Variants in DMXL1 observed in about 807,000 individuals in gnomAD.
The protein encoded by DMXL1 is dmX-like protein 1.
DMXL1 carries 99 observed loss-of-function variants against 319.2 expected under a neutral mutation model. The ratio of observed to expected loss-of-function variants is 0.31; its 90% CI spans 0.26 to 0.37. The LOEUF (loss-of-function observed/expected upper bound fraction) is 0.37, where lower values mean the gene tolerates loss of function less well. Among genes scored for constraint, DMXL1 ranks in the 10% least tolerant of loss-of-function variants. The pLI is 1.00. For missense variants in DMXL1, 3,745 were observed against 3,595.6 expected (o/e 1.04, Z -1.06); for synonymous variants, 1,385 against 1,235.2 (o/e 1.12, Z -2.54).
rs1487020745 is a variant in DMXL1 at position 119,247,255 on chromosome 5, A to G, written c.*36A>G. On this transcript the variant is annotated 3_prime_UTR_variant, in exon 44 of 44. Transcript: ENST00000539542. ...ATAAGATGTACAATTTATTACCTAT[A>G]TGGAAGTGGCCAACAGATATAATAT... 13 of 1,467,624 alleles carry G rather than the reference A, an allele frequency of 8.9e-6. No homozygotes were observed. The highest frequency in any genetic ancestry group is 1.1e-5 in the Non-Finnish European group (12 of 1,058,056). The allele number at this position is 1,467,624 out of a possible 1,614,324, so 90.9% of individuals were successfully genotyped here.
At chr5:119,209,024 A>T (rs77972758) in intron 34 of DMXL1, among the ~76,000 whole-genome samples, 3,429 of 152,270 alleles carry the variant, frequency 0.023, 124 homozygotes, top group African/African-American at 0.078. Flanking sequence ...AGATTCATCT[A>T]TGTTGTGTGT....
At chr5:119,175,401 T>C in intron 26 of DMXL1, 64 bp downstream of exon 26, 1 of 1,212,442 alleles carries the variant, frequency 8.2e-7, no homozygotes, top group East Asian at 2.4e-5. Context: ...ATATTTTGTA[T>C]GTTAGTGGTT....
intron 39 of DMXL1, among the ~76,000 whole-genome samples, chr5:119,234,302 T>C (rs1787316009): frequency 6.6e-6 from 1 of 152,176 alleles, no homozygotes; most frequent in Non-Finnish European, 1.5e-5. Flanking sequence ...TAATATGTTA[T>C]TAGCCCTTTA....
At chr5:119,240,317 C>T in intron 41 of DMXL1, 102 bp from the exon 42 acceptor site, 2 of 696,254 alleles carry the variant, frequency 2.9e-6, no homozygotes, top group South Asian at 2.4e-5. Context: ...ATTTAAGAAC[C>T]TTCTGTGACA....
intron 1 of DMXL1, among the ~76,000 whole-genome samples, chr5:119,074,842 A>C (rs1288776947): frequency 6.6e-6 from 1 of 152,158 alleles, no homozygotes; most frequent in East Asian, 1.9e-4. Context: ...TTTAAACCTA[A>C]CAGTAAGGTC....
At chr5:119,129,907 G>A (rs1178165360) in intron 10 of DMXL1, among the ~76,000 whole-genome samples, 1 of 152,188 alleles carries the variant, frequency 6.6e-6, no homozygotes, top group Non-Finnish European at 1.5e-5. Flanking sequence ...CTATTTGTCA[G>A]CTACCTTGAT....
intron 36 of DMXL1, 68 bp downstream of exon 36, chr5:119,220,661 C>A: frequency 6.5e-7 from 1 of 1,542,488 alleles, no homozygotes; most frequent in Non-Finnish European, 8.8e-7. Context: ...TGAACTAAAA[C>A]TTTCAAAAGA....
Position 119,144,627 on chromosome 5 carries a change from T to C in DMXL1, c.2558T>C (p.Leu853Ser), listed in dbSNP as rs1214102109. ...EKKSLGKDSILSNAGSSPNGF... is the reference protein window; with the variant it reads ...EKKSLGKDSISSNAGSSPNGF... The stretch of plus-strand genomic sequence containing the variant: ...AAAAGCCTTGGCAAAGACAGCATTT[T>C]ATCTAATGCAGGTAAGGAAGAATTA... The change falls in exon 15 of 44, where the codon TTA becomes TCA. Residue 853 changes from leucine to serine, a missense_variant. Coordinates refer to ENST00000539542, the MANE Select transcript of DMXL1 (RefSeq NM_001290321.3). 6 of 1,586,212 alleles carry C rather than the reference T, an allele frequency of 3.8e-6. No homozygotes were observed. The African/African-American group carries it at 6.8e-5, about 18-fold the overall frequency.
intron 34 of DMXL1, among the ~76,000 whole-genome samples, chr5:119,210,157 C>T (rs1400151968): frequency 1.3e-5 from 2 of 151,928 alleles, no homozygotes; most frequent in African/African-American, 4.8e-5. Context: ...CACCATGTTA[C>T]CCAGGCTGGT....
intron 19 of DMXL1, among the ~76,000 whole-genome samples, chr5:119,155,891 A>G (rs114994784): frequency 6.6e-6 from 1 of 151,994 alleles, no homozygotes; most frequent in East Asian, 1.9e-4. Context: ...ATGAGCAATG[A>G]ATGTGGTTTC....
intron 32 of DMXL1, among the ~76,000 whole-genome samples, chr5:119,198,591 C>T (rs1056734850): frequency 6.6e-6 from 1 of 152,126 alleles, no homozygotes; most frequent in Non-Finnish European, 1.5e-5. Context: ...CAATTCCTGT[C>T]AAATTACCAA....
chr5:119,230,543 T>G (rs1786487452), intron 38 of DMXL1, among the ~76,000 whole-genome samples: 1 of 152,176 alleles, frequency 6.6e-6, no homozygotes, highest in Admixed American at 6.5e-5. Context: ...CCTTCTAAAT[T>G]TTGGCGATCT....
chr5:119,142,488 C>A (rs1767603676), intron 13 of DMXL1, among the ~76,000 whole-genome samples: 1 of 142,892 alleles, frequency 7.0e-6, no homozygotes, highest in African/African-American at 2.6e-5. Flanking sequence ...CACCATCTCA[C>A]ACCAGTCAGA....
chr5:119,082,020 TACACACACACAC>T (rs565047535), intron 1 of DMXL1, among the ~76,000 whole-genome samples: 19 of 108,158 alleles, frequency 1.8e-4, no homozygotes, highest in African/African-American at 4.2e-4. Context: ...TATATATATA[TACACACACACAC>T]ACACACACAC....
chr5:119,189,223 TTTAAGTAG>T (rs1778278045), intron 28 of DMXL1, among the ~76,000 whole-genome samples: 1 of 152,180 alleles, frequency 6.6e-6, no homozygotes, highest in African/African-American at 2.4e-5. Context: ...TTTGAATCAG[TTTAAGTAG>T]TTATGGTGCC....
intron 17 of DMXL1, among the ~76,000 whole-genome samples, chr5:119,147,926 C>G (rs577319424): frequency 3.0e-4 from 46 of 152,302 alleles, no homozygotes; most frequent in Non-Finnish European, 4.3e-4. Flanking sequence ...ATTGGCCACT[C>G]CATTTCTTGG....
chr5:119,173,776 G>GTGTGTGTATATATATA lies in DMXL1; in HGVS notation c.6682-1484_6682-1483insGTGTGTATATATATAT. On this transcript the variant is annotated intron_variant, in intron 25 of 43. Coordinates refer to ENST00000539542, the MANE Select transcript of DMXL1 (RefSeq NM_001290321.3). ...TGTGTATATATATATATGTGTGTGTGTATATATATATATATATATATAATG... is the reference window on the plus strand; with the variant it reads ...TGTGTATATATATATATGTGTGTGTGTGTGTGTATATATATATATATATATATATATATATATAATG... Among the ~76,000 whole-genome samples, 223 of 67,156 alleles carry GTGTGTGTATATATATA rather than the reference G, an allele frequency of 3.3e-3. 9 individuals are homozygous for GTGTGTGTATATATATA. In the East Asian group the frequency reaches 0.034, roughly 10 times the overall value. 44.1% of individuals were successfully genotyped at this position (67,156 alleles called of 152,430 possible).
At chr5:119,219,450 TTTTTTCTTAA>T (rs1784268972) in intron 35 of DMXL1, among the ~76,000 whole-genome samples, 1 of 152,128 alleles carries the variant, frequency 6.6e-6, no homozygotes, top group African/African-American at 2.4e-5. Context: ...AAGGTCTCAG[TTTTTTCTTAA>T]TAGTTTGTGT....
In DMXL1 at chr5:119,116,234, A is replaced by C. The variant is rs1760814844; in HGVS notation, c.641A>C (p.Glu214Ala). 6.2e-7 allele frequency: 1 copy of C among 1,613,938 alleles called. No homozygotes were observed. Among genetic ancestry groups the C allele is most frequent in the African/African-American group, 1.3e-5 (1 of 74,900 alleles). ...TAVTSPDGSS[E>A]KQSQGEIDFS... ...GTTACTTCTCCAGATGGAAGTTCAGAAAAACAATCCCAAGGAGAAATTGAC... is the reference window on the plus strand; with the variant it reads ...GTTACTTCTCCAGATGGAAGTTCAGCAAAACAATCCCAAGGAGAAATTGAC... Residue 214 changes from glutamate (E) to alanine (A), a missense_variant, in exon 7 of 44, where the codon GAA becomes GCA. Coordinates refer to ENST00000539542, the MANE Select transcript of DMXL1 (RefSeq NM_001290321.3).
Sources: gnomAD v4.1 joint callset for allele counts (sites outside exome capture counted in the v4.1 genomes callset) on GRCh38, gnomAD v4.1.1 for gene constraint, MANE v1.5 for transcripts, NCBI Gene and HGNC (gene_info 2026-07-23, HGNC 2026-07-21) for gene names.